SPPL3: variants seen among roughly 807,000 people sequenced by gnomAD.
SPPL3 encodes signal peptide peptidase-like 3.
Under a neutral mutation model 42.4 loss-of-function variants are expected in SPPL3, and 5 were observed. That is an observed-to-expected ratio of 0.12 (90% CI 0.06 to 0.25). SPPL3 has a LOEUF of 0.25. SPPL3 is among the 10% of genes least tolerant of loss of function. The pLI, the probability that SPPL3 is intolerant of heterozygous loss-of-function variation, is 1.00. For synonymous variants in SPPL3, 195 were observed against 181.8 expected (o/e 1.07, Z -0.58); for missense variants, 235 against 489.0 (o/e 0.48, Z 4.90).
chr12:120,876,371 T>C (rs1458889087), intron 1 of SPPL3, among the ~76,000 whole-genome samples: 2 of 151,734 alleles, frequency 1.3e-5, no homozygotes, highest in African/African-American at 4.8e-5. Flanking sequence ...CTCAGCACTT[T>C]GGGAGGCTGA....
intron 1 of SPPL3, among the ~76,000 whole-genome samples, chr12:120,888,583 A>G (rs1015927446): frequency 1.3e-5 from 2 of 152,234 alleles, no homozygotes; most frequent in African/African-American, 4.8e-5. Flanking sequence ...GTATCATTCG[A>G]TTAACAGAAA....
intron 1 of SPPL3, among the ~76,000 whole-genome samples, chr12:120,850,857 T>C (rs1872200207): frequency 6.6e-6 from 1 of 152,170 alleles, no homozygotes; most frequent in Non-Finnish European, 1.5e-5. Flanking sequence ...TACAACCTCT[T>C]GTTTCCATCG....
intron 1 of SPPL3, among the ~76,000 whole-genome samples, chr12:120,894,856 AG>A (rs1260560114): frequency 1.3e-5 from 2 of 152,168 alleles, no homozygotes; most frequent in Non-Finnish European, 2.9e-5. Context: ...CTGAGGCAGG[AG>A]GATCCCTTGA....
chr12:120,771,501 A>G (rs1264745573), intron 6 of SPPL3, among the ~76,000 whole-genome samples: 1 of 152,062 alleles, frequency 6.6e-6, no homozygotes, highest in Non-Finnish European at 1.5e-5. Context: ...TTAAGATCAT[A>G]CTTCCTGCCC....
chr12:120,773,143 C>A (rs969186680), intron 6 of SPPL3, among the ~76,000 whole-genome samples: 1 of 152,154 alleles, frequency 6.6e-6, no homozygotes, highest in African/African-American at 2.4e-5. Context: ...GAGAGATGTA[C>A]CCAGAGCCCC....
chr12:120,827,374 T>TAAC (rs1312142394), intron 1 of SPPL3, among the ~76,000 whole-genome samples: 2 of 148,950 alleles, frequency 1.3e-5, no homozygotes, highest in African/African-American at 4.9e-5. Context: ...ATAATAATAA[T>TAAC]AACAATAATA....
rs1226613415 is a variant in SPPL3 at position 120,859,593 on chromosome 12, CCATT to C, written c.23+44248_23+44251del. Among the ~76,000 whole-genome samples, 7 of 152,266 alleles carry C rather than the reference CCATT, an allele frequency of 4.6e-5. No homozygotes were observed. The East Asian group carries it at 1.3e-3, about 29-fold the overall frequency. ...TTCTTTTTGAAACTTATCTCTACAG[CCATT>C]ATTATCCCAATTAAAAAGGAAGCTA... On this transcript the variant is annotated intron_variant, in intron 1 of 10. Transcript: ENST00000353487.
intron 1 of SPPL3, among the ~76,000 whole-genome samples, chr12:120,878,706 C>CA (rs1294565838): frequency 2.6e-5 from 4 of 152,126 alleles, no homozygotes; most frequent in Non-Finnish European, 5.9e-5. Flanking sequence ...TATTGCTGGT[C>CA]AAAAATTATT....
intron 1 of SPPL3, among the ~76,000 whole-genome samples, chr12:120,817,257 T>C (rs1352730311): frequency 3.3e-5 from 5 of 152,176 alleles, no homozygotes; most frequent in African/African-American, 1.2e-4. Flanking sequence ...ATCGTGCCAC[T>C]GCACTTCAGC....
chr12:120,882,589 T>C (rs917531361), intron 1 of SPPL3, among the ~76,000 whole-genome samples: 3 of 152,100 alleles, frequency 2.0e-5, no homozygotes, highest in South Asian at 2.1e-4. Context: ...ACTAGAGAGA[T>C]TGAATACAGT....
At chr12:120,863,834 T>TTTTTC (rs1221873134) in intron 1 of SPPL3, among the ~76,000 whole-genome samples, 5 of 151,558 alleles carry the variant, frequency 3.3e-5, no homozygotes, top group Non-Finnish European at 5.9e-5. Flanking sequence ...TGTAGCTTTC[T>TTTTTC]TTTTCTTTTC....
chr12:120,794,122 T>C (rs573984828), intron 2 of SPPL3, among the ~76,000 whole-genome samples: 23 of 152,364 alleles, frequency 1.5e-4, no homozygotes, highest in South Asian at 6.2e-4. Flanking sequence ...TCTTGCTTAA[T>C]TGACCCCTTT....
At position 120,818,684 on chromosome 12, in the gene SPPL3, T is replaced by C. The variant is rs546533024; in HGVS notation, c.24-7798A>G. On this transcript the variant is annotated intron_variant, in intron 1 of 10. Transcript: ENST00000353487. ...CTACTATTCTAACACTGCACAGACA[T>C]TGCCTTAGACCAGCACTTCTCTAAC... is the stretch of plus-strand genomic sequence containing the variant. Among the ~76,000 whole-genome samples the C allele has an allele frequency of 1.2e-4, 18 of 152,320 alleles. No individual in the cohort carries two copies. In the South Asian group the frequency reaches 3.5e-3, roughly 30 times the overall value.
At chr12:120,775,600 T>G (rs1040434812) in intron 6 of SPPL3, among the ~76,000 whole-genome samples, 1 of 152,216 alleles carries the variant, frequency 6.6e-6, no homozygotes, top group Non-Finnish European at 1.5e-5. Context: ...AGGCAGGGGA[T>G]AGACTGTAAA....
At chr12:120,821,074 G>T (rs1224007356) in intron 1 of SPPL3, among the ~76,000 whole-genome samples, 1 of 152,150 alleles carries the variant, frequency 6.6e-6, no homozygotes, top group African/African-American at 2.4e-5. Flanking sequence ...TACAAAATCT[G>T]CTGACTGAGC....
At chr12:120,824,220 C>A (rs1871170390) in intron 1 of SPPL3, among the ~76,000 whole-genome samples, 1 of 152,090 alleles carries the variant, frequency 6.6e-6, no homozygotes, top group South Asian at 2.1e-4. Context: ...AAGAAGCAAG[C>A]TGAAGACCTA....
Position 120,766,112 on chromosome 12 carries a change from A to G in SPPL3, c.1083+151T>C, listed in dbSNP as rs1345448682. On this transcript the variant is annotated intron_variant, in intron 10 of 10. Transcript: ENST00000353487. ...GTAGCGCGCGCGCGCACACACACAC[A>G]CACACACACACACACACACACACAC... 99 of 133,180 alleles carry G rather than the reference A, an allele frequency of 7.4e-4. 7 individuals are homozygous for G. The highest frequency in any genetic ancestry group is 3.8e-3 in the South Asian group (37 of 9,834). 8.2% of individuals were successfully genotyped at this position (133,180 alleles called of 1,614,324 possible).
intron 1 of SPPL3, among the ~76,000 whole-genome samples, chr12:120,883,680 G>C (rs1003975550): frequency 6.6e-6 from 1 of 152,014 alleles, no homozygotes; most frequent in Admixed American, 6.5e-5. Flanking sequence ...GGAAAGGAAT[G>C]CAACAACTGG....
chr12:120,853,952 A>T lies in SPPL3; in HGVS notation c.24-43066T>A, dbSNP rs117100526. ...CCCAAACCCAAAACCACATGAAAAC[A>T]AACACCACCACCACCACACACACGC... On this transcript the variant is annotated intron_variant, in intron 1 of 10. Coordinates refer to ENST00000353487, the MANE Select transcript of SPPL3 (RefSeq NM_139015.5). Among the ~76,000 whole-genome samples, 13 of 148,398 alleles carry T rather than the reference A, an allele frequency of 8.8e-5. No homozygotes were observed. The South Asian group carries it at 2.8e-3, about 32-fold the overall frequency.
Sources: allele counts gnomAD v4.1 joint callset (sites outside exome capture counted in the v4.1 genomes callset), GRCh38; gene constraint gnomAD v4.1.1; transcripts MANE v1.5; gene names NCBI Gene and HGNC (gene_info 2026-07-23, HGNC 2026-07-21).